The following MDGA2 variants were observed in gnomAD, a reference collection of about 807,000 sequenced individuals.
The protein encoded by MDGA2 is MAM domain-containing glycosylphosphatidylinositol anchor protein 2.
Under a neutral mutation model 117.8 loss-of-function variants are expected in MDGA2, and 40 were observed. The observed-to-expected ratio is 0.34, with a 90% CI of 0.26 to 0.44. The LOEUF (loss-of-function observed/expected upper bound fraction) is 0.44, where lower values mean the gene tolerates loss of function less well. MDGA2 is among the 20% of genes least tolerant of loss of function. The probability of loss-of-function intolerance (pLI) is 1.00; values close to 1 mark genes in which losing one functional copy is unlikely to be tolerated. For synonymous variants in MDGA2, 452 were observed against 439.0 expected (o/e 1.03, Z -0.37); for missense variants, 1,123 against 1,250.6 (o/e 0.90, Z 1.54).
At chr14:47,549,633 G>C (rs1895541940) in intron 1 of MDGA2, among the ~76,000 whole-genome samples, 1 of 152,090 alleles carries the variant, frequency 6.6e-6, no homozygotes, top group African/African-American at 2.4e-5. Flanking sequence ...TATTCAATGT[G>C]ACTGTATTTG....
intron 9 of MDGA2, among the ~76,000 whole-genome samples, chr14:46,932,162 T>C (rs1384785579): frequency 6.6e-6 from 1 of 151,894 alleles, no homozygotes; most frequent in Non-Finnish European, 1.5e-5. Context: ...TAAAGAACGA[T>C]AGCTATTAAT....
At chr14:47,061,128 A>G (rs1203706990) in intron 7 of MDGA2, 121 bp downstream of exon 7, 26 of 797,588 alleles carry the variant, frequency 3.3e-5, no homozygotes, top group Non-Finnish European at 5.2e-5. Flanking sequence ...AGAACATTAT[A>G]ATTTTGTTTT....
intron 3 of MDGA2, among the ~76,000 whole-genome samples, chr14:47,172,275 G>A (rs544617994): frequency 1.3e-5 from 2 of 152,112 alleles, no homozygotes; most frequent in Admixed American, 6.5e-5. Context: ...GTCCCTGTCC[G>A]ACAGCTTTGA....
rs1465861486 is a variant in MDGA2 at position 46,840,340 on chromosome 14, T to G, written c.*1591A>C. The G allele has an allele frequency of 6.6e-6, 1 of 152,436 alleles. No individual in the cohort carries two copies. Among genetic ancestry groups the G allele is most frequent in the Non-Finnish European group, 1.5e-5 (1 of 67,968 alleles). 9.4% of individuals were successfully genotyped at this position (152,436 alleles called of 1,614,324 possible). On this transcript the variant is annotated 3_prime_UTR_variant, in exon 17 of 17. Transcript: ENST00000399232. The stretch of plus-strand genomic sequence containing the variant: ...GAAAGAACATATAATAATAATATTC[T>G]TCTTAGACAAAAGTCTTTTTAAATG...
chr14:47,651,384 T>TC (rs1405931185), intron 1 of MDGA2, among the ~76,000 whole-genome samples: 1 of 152,074 alleles, frequency 6.6e-6, no homozygotes, highest in East Asian at 1.9e-4. Context: ...ACTTAGCGCT[T>TC]CCGTGGGATG....
At position 46,841,911 on chromosome 14, in the gene MDGA2, T is replaced by G; in HGVS notation, c.*20A>C. The G allele has an allele frequency of 6.5e-7, 1 of 1,535,672 alleles. No homozygotes were observed. The highest frequency in any genetic ancestry group is 1.2e-5 in the South Asian group (1 of 85,802). ...ATGCCAGTGCCTGGTGAATCTTTTA[T>G]AGCCTCTGCCAGGATAAGGTCACCT... On this transcript the variant is annotated 3_prime_UTR_variant, in exon 17 of 17. Transcript: ENST00000399232.
intron 2 of MDGA2, among the ~76,000 whole-genome samples, chr14:47,228,610 T>G (rs1027681686): frequency 2.6e-5 from 4 of 152,128 alleles, no homozygotes; most frequent in African/African-American, 9.7e-5. Context: ...TTAGGTAAAT[T>G]AATGCATTTT....
At chr14:47,042,328 TGTG>T (rs769093301) in intron 7 of MDGA2, among the ~76,000 whole-genome samples, 25 of 111,542 alleles carry the variant, frequency 2.2e-4, no homozygotes, top group East Asian at 1.1e-3. Context: ...TTTTTTTTTT[TGTG>T]TGTGTGTGTG....
intron 1 of MDGA2, among the ~76,000 whole-genome samples, chr14:47,578,797 G>A (rs1424293056): frequency 6.6e-6 from 1 of 152,042 alleles, no homozygotes; most frequent in Non-Finnish European, 1.5e-5. Flanking sequence ...ATTGTTAGAG[G>A]CTACATGATG....
chr14:47,276,259 C>A (rs1165481397), intron 2 of MDGA2, among the ~76,000 whole-genome samples: 1 of 152,062 alleles, frequency 6.6e-6, no homozygotes, highest in African/African-American at 2.4e-5. Flanking sequence ...TGAAAGGGAA[C>A]CTCCTTAGAT....
intron 6 of MDGA2, among the ~76,000 whole-genome samples, chr14:47,088,680 A>G (rs1236187438): frequency 6.6e-6 from 1 of 152,192 alleles, no homozygotes; most frequent in African/African-American, 2.4e-5. Flanking sequence ...CTTAAGATAT[A>G]TACCTTTCAA....
At chr14:47,411,805 C>T (rs772754148) in intron 1 of MDGA2, among the ~76,000 whole-genome samples, 30 of 152,140 alleles carry the variant, frequency 2.0e-4, no homozygotes, top group Non-Finnish European at 3.1e-4. Flanking sequence ...ATCAGGCATC[C>T]GTTCCTATAT....
At chr14:46,979,995 C>T (rs1234318944) in intron 8 of MDGA2, among the ~76,000 whole-genome samples, 1 of 152,160 alleles carries the variant, frequency 6.6e-6, no homozygotes, top group Non-Finnish European at 1.5e-5. Context: ...TGCATGGCTT[C>T]AAACCTTCAA....
At chr14:47,564,369 T>C (rs1895876511) in intron 1 of MDGA2, among the ~76,000 whole-genome samples, 1 of 152,208 alleles carries the variant, frequency 6.6e-6, no homozygotes, top group South Asian at 2.1e-4. Context: ...AGGCTTAATC[T>C]ACTTATGGTT....
intron 5 of MDGA2, among the ~76,000 whole-genome samples, chr14:47,105,859 C>T (rs966890937): frequency 1.1e-4 from 16 of 152,096 alleles, no homozygotes; most frequent in East Asian, 1.9e-4. Context: ...GGCTGCTCCT[C>T]GCCAGGCTGA....
At chr14:47,266,817 T>C (rs1887980837) in intron 2 of MDGA2, among the ~76,000 whole-genome samples, 1 of 152,178 alleles carries the variant, frequency 6.6e-6, no homozygotes, top group African/African-American at 2.4e-5. Context: ...TGATTAATTA[T>C]TCAACTTTCA....
intron 1 of MDGA2, among the ~76,000 whole-genome samples, chr14:47,380,836 A>G (rs910916910): frequency 6.6e-6 from 1 of 152,092 alleles, no homozygotes; most frequent in African/African-American, 2.4e-5. Context: ...ATAGAAAAAG[A>G]GGGAATCCTC....
chr14:47,332,601 A>G (rs1226721434), intron 1 of MDGA2, among the ~76,000 whole-genome samples: 1 of 152,028 alleles, frequency 6.6e-6, no homozygotes, highest in Non-Finnish European at 1.5e-5. Flanking sequence ...CTGTTAATGT[A>G]AAACATCTTT....
chr14:47,187,761 A>G (rs2139393830), intron 3 of MDGA2, among the ~76,000 whole-genome samples: 1 of 152,254 alleles, frequency 6.6e-6, no homozygotes, highest in South Asian at 2.1e-4. Flanking sequence ...TAAAACAACA[A>G]AATAATAACA....
Sources: allele counts gnomAD v4.1 joint callset (sites outside exome capture counted in the v4.1 genomes callset), GRCh38; gene constraint gnomAD v4.1.1; transcripts MANE v1.5; gene names NCBI Gene and HGNC (gene_info 2026-07-23, HGNC 2026-07-21).